MSI2: variants seen among roughly 807,000 people sequenced by gnomAD.
MSI2 encodes RNA-binding protein Musashi homolog 2.
A neutral mutation model predicts 45.6 loss-of-function variants in MSI2; 17 were observed. That is an observed-to-expected ratio of 0.37 (90% confidence interval 0.26 to 0.56). The LOEUF is 0.56. Ranked by LOEUF, MSI2 falls within the 20% of genes least tolerant of loss-of-function variation. MSI2 has a pLI of 0.77. For missense variants in MSI2, 293 were observed against 444.2 expected, an observed-to-expected ratio of 0.66 and a Z score of 3.06; for synonymous variants, 156 against 158.2, an observed-to-expected ratio of 0.99 and a Z score of 0.11.
chr17:57,398,850 T>G (rs1360057594), intron 5 of MSI2, among the ~76,000 whole-genome samples: 5 of 151,910 alleles, frequency 3.3e-5, no homozygotes, highest in African/African-American at 1.2e-4. Flanking sequence ...ATTAGTAAAA[T>G]TTGGTGATTC....
At chr17:57,597,659 C>T (rs1278398060) in intron 8 of MSI2, among the ~76,000 whole-genome samples, 1 of 151,990 alleles carries the variant, frequency 6.6e-6, no homozygotes, top group Non-Finnish European at 1.5e-5. Context: ...ATGTAAAAGC[C>T]GTTCTCAATT....
At chr17:57,404,378 G>A (rs2084046643) in intron 6 of MSI2, among the ~76,000 whole-genome samples, 1 of 152,178 alleles carries the variant, frequency 6.6e-6, no homozygotes, top group African/African-American at 2.4e-5. Flanking sequence ...GTGCCCTTCA[G>A]TGTGCCCCGG....
intron 7 of MSI2, among the ~76,000 whole-genome samples, chr17:57,547,617 C>T (rs1159549664): frequency 6.6e-6 from 1 of 151,924 alleles, no homozygotes; most frequent in Non-Finnish European, 1.5e-5. Context: ...GATGGTAGTG[C>T]TATTCAATAG....
chr17:57,665,601 C>A (rs1382459013), intron 11 of MSI2, among the ~76,000 whole-genome samples: 2 of 152,168 alleles, frequency 1.3e-5, no homozygotes, highest in African/African-American at 2.4e-5. Flanking sequence ...TTCCCCACCC[C>A]ACCCTGCCCC....
intron 10 of MSI2, among the ~76,000 whole-genome samples, chr17:57,645,685 T>C (rs916654675): frequency 6.6e-6 from 1 of 151,736 alleles, no homozygotes; most frequent in Non-Finnish European, 1.5e-5. Flanking sequence ...CAGGTAGTCC[T>C]CCCGCCTCAG....
chr17:57,342,089 C>A (rs1034721985), intron 5 of MSI2, among the ~76,000 whole-genome samples: 1 of 152,222 alleles, frequency 6.6e-6, no homozygotes, highest in African/African-American at 2.4e-5. Context: ...GATCCTATTG[C>A]ATCTACTGCC....
chr17:57,380,141 C>G (rs976511722), intron 5 of MSI2, among the ~76,000 whole-genome samples: 2 of 152,126 alleles, frequency 1.3e-5, no homozygotes, highest in Non-Finnish European at 2.9e-5. Context: ...GTTTCCACCT[C>G]TCCCCTCTTC....
In MSI2 at chr17:57,652,291, G is replaced by C; in HGVS notation, c.790+130G>C. On this transcript the variant is annotated intron_variant, in intron 11 of 13. Coordinates refer to ENST00000284073, the MANE Select transcript of MSI2 (RefSeq NM_138962.4). The surrounding 1 kb of genome is among the most constrained non-coding windows in gnomAD (Gnocchi z 4.1). ...CTCACCACAGCCCCGGGGAGGGGGT[G>C]GACGGGGAGGGGGTGGACCGGGAGG... The C allele has an allele frequency of 1.0e-6, 1 of 963,452 alleles. No homozygotes were observed. Among genetic ancestry groups the C allele is most frequent in the Non-Finnish European group, 1.6e-6 (1 of 641,478 alleles). The allele number at this position is 963,452 out of a possible 1,614,324, so 59.7% of individuals were successfully genotyped here.
At chr17:57,646,174 C>A (rs1341515407) in intron 10 of MSI2, among the ~76,000 whole-genome samples, 1 of 152,166 alleles carries the variant, frequency 6.6e-6, no homozygotes, top group East Asian at 1.9e-4. Flanking sequence ...GACTGAGTCC[C>A]TGCCCTAGAA....
intron 5 of MSI2, among the ~76,000 whole-genome samples, chr17:57,348,020 C>T (rs569929238): frequency 6.6e-6 from 1 of 152,302 alleles, no homozygotes; most frequent in African/African-American, 2.4e-5. Flanking sequence ...CCTTGTGCTG[C>T]GCTGCGTGTC....
chr17:57,575,353 C>T (rs912678415), intron 7 of MSI2, among the ~76,000 whole-genome samples: 2 of 152,126 alleles, frequency 1.3e-5, no homozygotes, highest in Non-Finnish European at 2.9e-5. Context: ...GGCAAAACCA[C>T]ATTTGACACC....
In MSI2 at chr17:57,329,746, G is replaced by T. The variant is rs116349810; in HGVS notation, c.312+67554G>T. ...ACGATGAATTCATCTCAGCCAGCAG[G>T]CTGTTTAAAGTATAATCAAATCAGA... On this transcript the variant is annotated intron_variant, in intron 5 of 13. Transcript: ENST00000284073. Among the ~76,000 whole-genome samples the T allele has an allele frequency of 9.6e-3, 1,466 of 152,296 alleles. 27 individuals are homozygous for T. The highest frequency in any genetic ancestry group is 0.033 in the African/African-American group (1,391 of 41,552).
intron 5 of MSI2, among the ~76,000 whole-genome samples, chr17:57,378,089 GA>G (rs1318819181): frequency 4.1e-5 from 6 of 145,916 alleles, no homozygotes; most frequent in African/African-American, 1.3e-4. Flanking sequence ...AAAAAAAAAA[GA>G]AAAAAAAAGT....
chr17:57,574,699 C>T (rs1192067884), intron 7 of MSI2, among the ~76,000 whole-genome samples: 1 of 152,200 alleles, frequency 6.6e-6, no homozygotes, highest in African/African-American at 2.4e-5. Context: ...AGTGTGGGTT[C>T]TGTCCTAGCT....
Position 57,587,401 on chromosome 17 carries a change from T to C in MSI2, c.455-9467T>C, listed in dbSNP as rs528733102. Reference sequence around the variant, plus strand: ...GAAGAGCACCTTTCCAGTTGAGAAATTGGCTCCCCTCTGGCAAATGCCGCC... The same window carrying C: ...GAAGAGCACCTTTCCAGTTGAGAAACTGGCTCCCCTCTGGCAAATGCCGCC... On this transcript the variant is annotated intron_variant, in intron 7 of 13. Coordinates refer to ENST00000284073, the MANE Select transcript of MSI2 (RefSeq NM_138962.4). 3.9e-5 allele frequency among the ~76,000 whole-genome samples: 6 copies of C among 152,282 alleles called. No individual in the cohort carries two copies. The South Asian group carries it at 1.2e-3, about 32-fold the overall frequency.
At chr17:57,545,131 G>A (rs1567890443) in intron 7 of MSI2, among the ~76,000 whole-genome samples, 2 of 152,192 alleles carry the variant, frequency 1.3e-5, no homozygotes, top group South Asian at 4.1e-4. Flanking sequence ...CAAAGGAACT[G>A]TATAGCAGAT....
At chr17:57,433,835 C>T (rs1273173875) in intron 6 of MSI2, among the ~76,000 whole-genome samples, 1 of 152,136 alleles carries the variant, frequency 6.6e-6, no homozygotes, top group East Asian at 1.9e-4. Flanking sequence ...TCCTCTGGCC[C>T]CCTCCTTCTC....
intron 6 of MSI2, among the ~76,000 whole-genome samples, chr17:57,528,711 T>G (rs1438424452): frequency 6.6e-6 from 1 of 152,224 alleles, no homozygotes; most frequent in Non-Finnish European, 1.5e-5. Context: ...TGTTTGTGTT[T>G]GTGTCCTAAT....
intron 6 of MSI2, among the ~76,000 whole-genome samples, chr17:57,424,272 CCTT>C (rs1412925809): frequency 6.6e-6 from 1 of 152,208 alleles, no homozygotes; most frequent in Non-Finnish European, 1.5e-5. Flanking sequence ...TCCAAGGTAT[CCTT>C]CTGGGATGAG....
Sources: gnomAD v4.1 joint callset for allele counts (sites outside exome capture counted in the v4.1 genomes callset) on GRCh38, gnomAD v4.1.1 for gene constraint, Gnocchi (gnomAD v3.1) non-coding constraint, MANE v1.5 for transcripts, NCBI Gene and HGNC (gene_info 2026-07-23, HGNC 2026-07-21) for gene names.